SMAD2: variants seen among roughly 807,000 people sequenced by gnomAD.
SMAD2 encodes the protein SMAD family member 2, also known as MAD homolog 2.
SMAD2 carries 8 observed loss-of-function variants against 64.4 expected under a neutral mutation model. The ratio of observed to expected loss-of-function variants is 0.12; its 90% CI spans 0.07 to 0.22. The LOEUF (loss-of-function observed/expected upper bound fraction) is 0.22, where lower values mean the gene tolerates loss of function less well. Among genes scored for constraint, SMAD2 ranks in the 10% least tolerant of loss-of-function variants. The pLI is 1.00. For missense variants in SMAD2, 289 were observed against 561.2 expected, an observed-to-expected ratio of 0.51 and a Z score of 4.90; for synonymous variants, 203 against 195.8, an observed-to-expected ratio of 1.04 and a Z score of -0.31.
At position 47,821,968 on chromosome 18, in the gene SMAD2, G is replaced by A. The variant is rs1215756943; in HGVS notation, c.*19859C>T. ...GTGTTTTTGACTTAAAATTACCTTT[G>A]AGTTTTCCACTTGGGCCTCTGGAAA... is the stretch of plus-strand genomic sequence containing the variant. On this transcript the variant is annotated 3_prime_UTR_variant, in exon 11 of 11. Transcript: ENST00000262160. 3 of 152,074 alleles carry A rather than the reference G, an allele frequency of 2.0e-5. No homozygotes were observed. Among genetic ancestry groups the A allele is most frequent in the African/African-American group, 7.2e-5 (3 of 41,396 alleles). The allele number at this position is 152,074 out of a possible 1,614,324, so 9.4% of individuals were successfully genotyped here.
At chr18:47,919,038 A>G (rs1486312793) in intron 1 of SMAD2, among the ~76,000 whole-genome samples, 4 of 152,180 alleles carry the variant, frequency 2.6e-5, no homozygotes, top group Non-Finnish European at 4.4e-5. Flanking sequence ...GGCCCATGGT[A>G]GCAAAACCAG....
chr18:47,911,108 T>C (rs947302797), intron 1 of SMAD2, among the ~76,000 whole-genome samples: 2 of 151,972 alleles, frequency 1.3e-5, no homozygotes, highest in Non-Finnish European at 2.9e-5. Flanking sequence ...TCCCAGCACT[T>C]TGAGAGGCAG....
At chr18:47,862,402 C>T (rs1334738596) in intron 6 of SMAD2, among the ~76,000 whole-genome samples, 1 of 152,194 alleles carries the variant, frequency 6.6e-6, no homozygotes, top group African/African-American at 2.4e-5. Context: ...GCCATGCTCT[C>T]TCAAAGGCTC....
At chr18:47,910,163 T>C (rs1025555927) in intron 1 of SMAD2, among the ~76,000 whole-genome samples, 3 of 123,776 alleles carry the variant, frequency 2.4e-5, no homozygotes, top group African/African-American at 9.2e-5. Context: ...TAAGAGATTG[T>C]GGATATGGAA....
chr18:47,834,848 T>C lies in SMAD2; in HGVS notation c.*6979A>G, dbSNP rs1913263375. ...CTTTTCTTTCTTTTTTAGGTGAAAA[T>C]ATTCTATGCCAACTGTTTTCCACAG... On this transcript the variant is annotated 3_prime_UTR_variant, in exon 11 of 11. Transcript: ENST00000262160. The C allele has an allele frequency of 4.6e-6, 1 of 219,754 alleles. No individual in the cohort carries two copies. The highest frequency in any genetic ancestry group is 9.1e-6 in the Non-Finnish European group (1 of 109,518). The allele number at this position is 219,754 out of a possible 1,614,324, so 13.6% of individuals were successfully genotyped here. A position where few individuals can be genotyped will look rare whatever the true frequency, so the allele number is the denominator to read the frequency against.
chr18:47,928,895 T>C lies in SMAD2; in HGVS notation c.-54+1466A>G, dbSNP rs911811828. 8.5e-5 allele frequency among the ~76,000 whole-genome samples: 13 copies of C among 152,320 alleles called. 1 individual carries two copies. In the South Asian group the frequency reaches 2.7e-3, roughly 32 times the overall value. ...TAAATCCAGCAGAGTTTAATATTTA[T>C]AGTAAAAGTGGGCACACTCTTTAGA... On this transcript the variant is annotated intron_variant, in intron 1 of 10. Transcript: ENST00000262160.
At chr18:47,848,879 C>G (rs558538651) in intron 7 of SMAD2, among the ~76,000 whole-genome samples, 192 bp from the exon 8 acceptor site, 1 of 152,112 alleles carries the variant, frequency 6.6e-6, no homozygotes, top group Non-Finnish European at 1.5e-5. Context: ...TCACACAAAA[C>G]TCCAGTTTCA....
chr18:47,851,631 T>A (rs1598765586), intron 6 of SMAD2, among the ~76,000 whole-genome samples: 2 of 152,128 alleles, frequency 1.3e-5, no homozygotes, highest in African/African-American at 4.8e-5. Flanking sequence ...ATGAACCACA[T>A]AAGCAAATAC....
intron 2 of SMAD2, among the ~76,000 whole-genome samples, chr18:47,871,891 TTA>T (rs978084017): frequency 4.0e-4 from 48 of 119,720 alleles, no homozygotes; most frequent in African/African-American, 1.4e-3. Flanking sequence ...TCTGAGTCTA[TTA>T]AAGAAATGGT....
chr18:47,888,216 T>C (rs1452963814), intron 2 of SMAD2, among the ~76,000 whole-genome samples: 1 of 151,460 alleles, frequency 6.6e-6, no homozygotes, highest in East Asian at 1.9e-4. Flanking sequence ...AAAAACTTGC[T>C]CAAAAGACAA....
chr18:47,892,935 C>A (rs1328403889), intron 2 of SMAD2, among the ~76,000 whole-genome samples: 2 of 152,078 alleles, frequency 1.3e-5, no homozygotes, highest in East Asian at 3.8e-4. Flanking sequence ...CCCCATAGTC[C>A]TTACTTTTAA....
rs184825504 is a variant in SMAD2 at position 47,925,161 on chromosome 18, T to C, written c.-54+5200A>G. ...GTGTACTAAACAGAAGCAACTAAAG[T>C]CTATCCTCGCTTTCCACTACTCTAC... On this transcript the variant is annotated intron_variant, in intron 1 of 10. Coordinates refer to ENST00000262160, the MANE Select transcript of SMAD2 (RefSeq NM_005901.6). 5.9e-5 allele frequency among the ~76,000 whole-genome samples: 9 copies of C among 152,292 alleles called. No individual in the cohort carries two copies. In the East Asian group the frequency reaches 1.7e-3, roughly 29 times the overall value.
At position 47,920,451 on chromosome 18, in the gene SMAD2, T is replaced by C. The variant is rs114310960; in HGVS notation, c.-54+9910A>G. On this transcript the variant is annotated intron_variant, in intron 1 of 10. Coordinates refer to ENST00000262160, the MANE Select transcript of SMAD2 (RefSeq NM_005901.6). The stretch of plus-strand genomic sequence containing the variant: ...AAAATTGGTGTGTATTTTATGCTTG[T>C]GGTCCATCTCAATTTCAAGAGCTCA... Among the ~76,000 whole-genome samples, 932 of 152,380 alleles carry C rather than the reference T, an allele frequency of 6.1e-3. 14 individuals carry two copies. The highest frequency in any genetic ancestry group is 0.021 in the African/African-American group (879 of 41,594).
At chr18:47,858,166 T>C (rs922613202) in intron 6 of SMAD2, among the ~76,000 whole-genome samples, 15 of 151,836 alleles carry the variant, frequency 9.9e-5, no homozygotes. Context: ...GGGAAAAAAA[T>C]GACCCCATAA....
chr18:47,897,382 AAC>A (rs869229898), intron 1 of SMAD2, among the ~76,000 whole-genome samples: 2 of 28,196 alleles, frequency 7.1e-5, no homozygotes, highest in South Asian at 0.05. Flanking sequence ...GAAATTTTTT[AAC>A]ACATGTTTTT....
At chr18:47,911,020 T>A (rs2034105370) in intron 1 of SMAD2, among the ~76,000 whole-genome samples, 1 of 152,108 alleles carries the variant, frequency 6.6e-6, no homozygotes, top group Non-Finnish European at 1.5e-5. Flanking sequence ...GTCCTCAAAC[T>A]GAGGATATTC....
In SMAD2 at chr18:47,826,282, T is replaced by C. The variant is rs1168985118; in HGVS notation, c.*15545A>G. 6.6e-6 allele frequency: 1 copy of C among 152,276 alleles called. No individual in the cohort carries two copies. Among genetic ancestry groups the C allele is most frequent in the Non-Finnish European group, 1.5e-5 (1 of 68,054 alleles). 9.4% of individuals were successfully genotyped at this position (152,276 alleles called of 1,614,324 possible). A position where few individuals can be genotyped will look rare whatever the true frequency, so the allele number is the denominator to read the frequency against. Reference sequence around the variant, plus strand: ...ATTGTTTGCTGGCAAACCAGTACAGTAACCTGTTAAATACAAAGCAAGGGT... The same window carrying C: ...ATTGTTTGCTGGCAAACCAGTACAGCAACCTGTTAAATACAAAGCAAGGGT... On this transcript the variant is annotated 3_prime_UTR_variant, in exon 11 of 11. Coordinates refer to ENST00000262160, the MANE Select transcript of SMAD2 (RefSeq NM_005901.6).
Position 47,845,453 on chromosome 18 carries a change from T to C in SMAD2, c.1167A>G (p.Glu389=). ...GCNLKIFNNQ[E]FAALLAQSVN... ...CAGACTGAGCCAGAAGAGCAGCAAA[T>C]TCCTGGTTGTTGAAGATCTTCAGAT... The change falls in exon 10 of 11, where the codon GAA becomes GAG. Residue 389 remains glutamate, a synonymous_variant. Transcript: ENST00000262160. The C allele has an allele frequency of 6.2e-7, 1 of 1,613,740 alleles. No individual in the cohort carries two copies. The highest frequency in any genetic ancestry group is 8.5e-7 in the Non-Finnish European group (1 of 1,179,710).
At chr18:47,925,248 T>C (rs2144553580) in intron 1 of SMAD2, among the ~76,000 whole-genome samples, 1 of 152,338 alleles carries the variant, frequency 6.6e-6, no homozygotes, top group South Asian at 2.1e-4. Context: ...GGATAATTAG[T>C]GACAATTTCA....
Sources: gnomAD v4.1 joint callset for allele counts (sites outside exome capture counted in the v4.1 genomes callset) on GRCh38, gnomAD v4.1.1 for gene constraint, MANE v1.5 for transcripts, NCBI Gene and HGNC (gene_info 2026-07-23, HGNC 2026-07-21) for gene names.